The following ENPEP variants were observed in gnomAD, a reference collection of about 807,000 sequenced individuals.
The protein encoded by ENPEP is AP-A.
In ENPEP, 103 loss-of-function variants were observed where a neutral mutation model predicts 114.5. That is an observed-to-expected ratio of 0.90 (90% CI 0.77 to 1.06). The LOEUF (loss-of-function observed/expected upper bound fraction) is 1.06. ENPEP is among the 50% of genes least tolerant of loss of function. ENPEP has a pLI of 0.00. For missense variants in ENPEP, 1,196 were observed against 1,161.3 expected (o/e 1.03, Z -0.43); for synonymous variants, 420 against 422.0 (o/e 1.00, Z 0.06).
chr4:110,561,268 G>A (rs1271590605), intron 19 of ENPEP, 138 bp from the exon 20 acceptor site: 22 of 860,514 alleles, frequency 2.6e-5, no homozygotes, highest in Non-Finnish European at 2.9e-5. Context: ...TGAATGATGC[G>A]CCAGAGGTGT....
At position 110,510,409 on chromosome 4, in the gene ENPEP, A is replaced by G. The variant is rs142059824; in HGVS notation, c.1308+51A>G. On this transcript the variant is annotated intron_variant, in intron 6 of 19. Transcript: ENST00000265162. ...AATCTCTCTTTTCCTCATGCAAAGC[A>G]GATGGAAGCCTTTGGACTATGATAA... The G allele has an allele frequency of 1.5e-3, 2,246 of 1,455,250 alleles. 4 individuals are homozygous for G. The highest frequency in any genetic ancestry group is 2.0e-3 in the Non-Finnish European group (2,032 of 1,036,278). 90.1% of individuals were successfully genotyped at this position (1,455,250 alleles called of 1,614,324 possible).
At chr4:110,525,536 C>A (rs750303668) in intron 10 of ENPEP, among the ~76,000 whole-genome samples, 8 of 152,234 alleles carry the variant, frequency 5.3e-5, no homozygotes, top group Non-Finnish European at 1.0e-4. Flanking sequence ...ACTGAAGAGA[C>A]ACTTTGTCTT....
In ENPEP at chr4:110,549,699, A is replaced by G. The variant is rs1553919402; in HGVS notation, c.2331-17A>G. The stretch of plus-strand genomic sequence containing the variant: ...AAAGAGTAGTTGAAATCTCTGAAAC[A>G]CTGTTTCTTCTTCTAGCCTTCCCGT... On this transcript the variant is annotated splice_polypyrimidine_tract_variant and intron_variant, in intron 16 of 19. Coordinates refer to ENST00000265162, the MANE Select transcript of ENPEP (RefSeq NM_001977.4). 1 of 1,612,798 alleles carries G rather than the reference A, an allele frequency of 6.2e-7. No homozygotes were observed. Among genetic ancestry groups the G allele is most frequent in the Non-Finnish European group, 8.5e-7 (1 of 1,179,300 alleles).
At chr4:110,525,204 T>C (rs471035) in intron 10 of ENPEP, among the ~76,000 whole-genome samples, 152,030 of 152,358 alleles carry the variant, frequency 1, 75,851 homozygotes, top group Middle Eastern at 1. Flanking sequence ...TCGTTATTTT[T>C]GTATGTATTT....
At chr4:110,518,903 C>T in intron 8 of ENPEP, 1 of 328,174 alleles carries the variant, frequency 3.0e-6, no homozygotes. Flanking sequence ...CATCAAAACA[C>T]AGCTATGGTT....
At chr4:110,520,794 G>T (rs1327793775) in intron 10 of ENPEP, among the ~76,000 whole-genome samples, 1 of 152,180 alleles carries the variant, frequency 6.6e-6, no homozygotes, top group Non-Finnish European at 1.5e-5. Context: ...AAGGGTAAGA[G>T]TGAGAAGTGA....
chr4:110,523,830 T>C (rs1040047054), intron 10 of ENPEP, among the ~76,000 whole-genome samples: 4 of 152,182 alleles, frequency 2.6e-5, no homozygotes, highest in African/African-American at 9.7e-5. Context: ...CTTAGTAACA[T>C]TTTCTTGTCA....
rs760534405 is a variant in ENPEP, at chr4:110,509,696, C to T, written c.1083C>T (p.Asn361=). The T allele has an allele frequency of 1.9e-6, 3 of 1,614,152 alleles. No homozygotes were observed. The highest frequency in any genetic ancestry group is 4.5e-5 in the East Asian group (2 of 44,874). Residue 361 remains asparagine (N), a synonymous_variant, in exon 5 of 20, where the codon AAC becomes AAT. Transcript: ENST00000265162. ...IPDFGTGAME[N]WGLITYRETN... Reference sequence around the variant, plus strand: ...ATTTTGGCACTGGTGCCATGGAGAACTGGGGACTCATCACGTACAGAGAAA... The same window carrying T: ...ATTTTGGCACTGGTGCCATGGAGAATTGGGGACTCATCACGTACAGAGAAA...
chr4:110,531,205 T>C lies in ENPEP; in HGVS notation c.1735T>C (p.Trp579Arg). 6.8e-7 allele frequency: 1 copy of C among 1,463,846 alleles called. No individual in the cohort carries two copies. Among genetic ancestry groups the C allele is most frequent in the Non-Finnish European group, 9.1e-7 (1 of 1,093,070 alleles). The allele number at this position is 1,463,846 out of a possible 1,614,324, so 90.7% of individuals were successfully genotyped here. The change falls in exon 11 of 20, where the codon TGG (tryptophan) becomes CGG (arginine). Residue 579 changes from tryptophan to arginine, a missense_variant. By Grantham distance (101) the Trp-to-Arg change is moderately radical. Coordinates refer to ENST00000265162, the MANE Select transcript of ENPEP (RefSeq NM_001977.4). ...TTTTTAAAAAAATTTTAGTTATACATGGAATATCCCAGTTAAATGGACTGA... is the reference window on the plus strand; with the variant it reads ...TTTTTAAAAAAATTTTAGTTATACACGGAATATCCCAGTTAAATGGACTGA... ...SQPPSDLGYT[W>R]NIPVKWTEDN...
intron 18 of ENPEP, 46 bp downstream of exon 18, chr4:110,553,501 A>C (rs765965915): frequency 1.3e-6 from 2 of 1,564,782 alleles, no homozygotes; most frequent in East Asian, 4.5e-5. Context: ...GTTTCATACT[A>C]TCTACTGGTT....
intron 13 of ENPEP, 133 bp downstream of exon 13, chr4:110,543,203 T>C (rs1726920089): frequency 1.2e-6 from 1 of 852,466 alleles, no homozygotes; most frequent in Non-Finnish European, 1.8e-6. Context: ...TAAAACATTA[T>C]TGTTTTCCTT....
intron 17 of ENPEP, among the ~76,000 whole-genome samples, chr4:110,550,189 G>A (rs1423832342): frequency 1.3e-5 from 2 of 152,070 alleles, no homozygotes; most frequent in Non-Finnish European, 1.5e-5. Flanking sequence ...GATGTCTCAT[G>A]ACTTCCAGAG....
intron 19 of ENPEP, among the ~76,000 whole-genome samples, 198 bp from the exon 20 acceptor site, chr4:110,561,208 G>T (rs1727665038): frequency 6.6e-6 from 1 of 152,160 alleles, no homozygotes; most frequent in South Asian, 2.1e-4. Context: ...ATGCTGTGGG[G>T]ATCCAAAAGC....
intron 8 of ENPEP, 60 bp from the exon 9 acceptor site, chr4:110,519,948 G>A: frequency 6.7e-7 from 1 of 1,496,554 alleles, no homozygotes; most frequent in Non-Finnish European, 9.3e-7. Context: ...AGTTCATCTT[G>A]TGAAAGTATG....
intron 11 of ENPEP, among the ~76,000 whole-genome samples, chr4:110,537,842 C>T (rs1024328073): frequency 1.3e-5 from 2 of 152,192 alleles, no homozygotes; most frequent in African/African-American, 4.8e-5. Context: ...GCTGTGAAAA[C>T]ATTAATCTGC....
At chr4:110,505,905 G>T (rs1246467067) in intron 3 of ENPEP, among the ~76,000 whole-genome samples, 1 of 152,130 alleles carries the variant, frequency 6.6e-6, no homozygotes, top group East Asian at 1.9e-4. Context: ...TTTTTATAAA[G>T]TCAGACATGC....
rs1462898472 is a variant in ENPEP, at chr4:110,549,645, A to C, written c.2330+13A>C. Reference sequence around the variant, plus strand: ...ATGGGACTGTAAGGTGATTACTCACATTGTTATGCTTAGAAGACACATTTG... The same window carrying C: ...ATGGGACTGTAAGGTGATTACTCACCTTGTTATGCTTAGAAGACACATTTG... On this transcript the variant is annotated intron_variant, in intron 16 of 19. Transcript: ENST00000265162. 1 of 1,613,396 alleles carries C rather than the reference A, an allele frequency of 6.2e-7. No homozygotes were observed.
intron 10 of ENPEP, among the ~76,000 whole-genome samples, chr4:110,526,557 G>C (rs2058776434): frequency 6.6e-6 from 1 of 152,202 alleles, no homozygotes; most frequent in African/African-American, 2.4e-5. Context: ...GGGAAAAGTG[G>C]TGTGAGGTGA....
At chr4:110,491,279 A>G in intron 3 of ENPEP, 115 bp downstream of exon 3, 7 of 1,017,636 alleles carry the variant, frequency 6.9e-6, no homozygotes, top group Non-Finnish European at 9.7e-6. Flanking sequence ...AAAGCCCTTT[A>G]GTCCCCAGGG....
Sources: allele counts gnomAD v4.1 joint callset (sites outside exome capture counted in the v4.1 genomes callset), GRCh38; gene constraint gnomAD v4.1.1; transcripts MANE v1.5; gene names NCBI Gene and HGNC (gene_info 2026-07-23, HGNC 2026-07-21).